The following SCAMP5 variants were observed in gnomAD, a reference collection of about 807,000 sequenced individuals.
SCAMP5 encodes the protein secretory carrier-associated membrane protein 5.
Under a neutral mutation model 28.3 loss-of-function variants are expected in SCAMP5, and 7 were observed. The ratio of observed to expected loss-of-function variants is 0.25; its 90% CI spans 0.14 to 0.46. The LOEUF (loss-of-function observed/expected upper bound fraction) is 0.46. Ranked by LOEUF, SCAMP5 falls within the 20% of genes least tolerant of loss-of-function variation. SCAMP5 has a pLI of 0.99. For missense variants in SCAMP5, 192 were observed against 312.5 expected (o/e 0.61, Z 2.91); for synonymous variants, 117 against 116.4 (o/e 1.00, Z -0.03).
chr15:74,998,541 G>A (rs568017177), intron 1 of SCAMP5, among the ~76,000 whole-genome samples: 1 of 152,038 alleles, frequency 6.6e-6, no homozygotes, highest in African/African-American at 2.4e-5. Flanking sequence ...GGGTGGAGGA[G>A]GTTGTAGTTA....
In SCAMP5 at chr15:75,018,904, G is replaced by C; in HGVS notation, c.629G>C (p.Gly210Ala). The change falls in exon 7 of 7, where the codon GGG becomes GCG. Residue 210 changes from glycine to alanine, a missense_variant. Coordinates refer to ENST00000425597, the MANE Select transcript of SCAMP5 (RefSeq NM_138967.4). The surrounding 1 kb of genome is among the most constrained non-coding windows in gnomAD (Gnocchi z 5.6). ...CAGGCAGCCCAGAACGCAGCCATGG[G>C]GGCAGCCCAGGGTGCCATGAATCAG... ...VQQAAQNAAMGAAQGAMNQPQ... is the reference protein window; with the variant it reads ...VQQAAQNAAMAAAQGAMNQPQ... The C allele has an allele frequency of 6.3e-7, 1 of 1,582,672 alleles. No individual in the cohort carries two copies. Among genetic ancestry groups the C allele is most frequent in the Non-Finnish European group, 8.5e-7 (1 of 1,171,410 alleles).
intron 1 of SCAMP5, among the ~76,000 whole-genome samples, chr15:75,005,537 A>T (rs1460301884): frequency 6.6e-6 from 1 of 151,956 alleles, no homozygotes; most frequent in South Asian, 2.1e-4. Context: ...ATTAATTTAG[A>T]TAAATTCCCC....
chr15:75,011,562 C>G, intron 1 of SCAMP5: 1 of 327,820 alleles, frequency 3.1e-6, no homozygotes, highest in South Asian at 1.2e-4. Context: ...ATGGGGTTTT[C>G]AGAGAGTAGA....
chr15:75,011,756 T>A, intron 1 of SCAMP5, 36 bp from the exon 2 acceptor site: 1 of 1,274,346 alleles, frequency 7.8e-7, no homozygotes, highest in Non-Finnish European at 1.1e-6. Context: ...GGTGTGGCCC[T>A]GATCTCATCC....
In SCAMP5 at chr15:75,002,610, G is replaced by T. The variant is rs182877650; in HGVS notation, c.-49+6937G>T. Among the ~76,000 whole-genome samples the T allele has an allele frequency of 5.4e-3, 821 of 152,016 alleles. 6 individuals carry two copies. The highest frequency in any genetic ancestry group is 0.019 in the African/African-American group (789 of 41,454). ...GGTAGTGCCATCCTTTCACATGGGA[G>T]CCCTCAGTGGCATTATCACATTTGT... On this transcript the variant is annotated intron_variant, in intron 1 of 6. Transcript: ENST00000425597.
intron 1 of SCAMP5, among the ~76,000 whole-genome samples, chr15:75,009,441 TTGTGTGTGTGTGTG>T (rs3057655): frequency 4.9e-4 from 66 of 136,060 alleles, no homozygotes; most frequent in Admixed American, 7.5e-4. Context: ...TGCTAGAAGT[TTGTGTGTGTGTGTG>T]TGTGTGTGTG....
intron 1 of SCAMP5, among the ~76,000 whole-genome samples, chr15:75,000,692 T>G (rs964385830): frequency 6.1e-5 from 9 of 147,018 alleles, no homozygotes; most frequent in Admixed American, 4.1e-4. Context: ...CCTTTTTTTT[T>G]TTTTTTTTTT....
Position 74,996,726 on chromosome 15 carries a change from C to T in SCAMP5, c.-49+1053C>T, listed in dbSNP as rs1010126973. ...GCAACCTGTCCCCTACATGTTCTGC[C>T]TCACGGAGCAGGGCTCTGAAAGAGG... On this transcript the variant is annotated intron_variant, in intron 1 of 6. Coordinates refer to ENST00000425597, the MANE Select transcript of SCAMP5 (RefSeq NM_138967.4). This position sits in a 1 kb window ranked among gnomAD's most constrained non-coding sequence, Gnocchi z 4.1. Among the ~76,000 whole-genome samples, 9 of 152,202 alleles carry T rather than the reference C, an allele frequency of 5.9e-5. 1 individual carries two copies. The highest frequency in any genetic ancestry group is 4.1e-4 in the South Asian group (2 of 4,834).
chr15:75,011,179 C>T (rs1370515004), intron 1 of SCAMP5, among the ~76,000 whole-genome samples: 1 of 151,934 alleles, frequency 6.6e-6, no homozygotes, highest in Non-Finnish European at 1.5e-5. Context: ...GCACTCCAGC[C>T]TGGGCAACAG....
rs917379464 is a variant in SCAMP5 at position 75,021,346 on chromosome 15, A to G, written c.*2363A>G. 4 of 152,250 alleles carry G rather than the reference A, an allele frequency of 2.6e-5. No individual in the cohort carries two copies. Among genetic ancestry groups the G allele is most frequent in the African/African-American group, 9.7e-5 (4 of 41,438 alleles). 9.4% of individuals were successfully genotyped at this position (152,250 alleles called of 1,614,324 possible). A position where few individuals can be genotyped will look rare whatever the true frequency, so the allele number is the denominator to read the frequency against. ...GGGCCCAGGTCAGTTCTGGGGTCCC[A>G]GTGACCTGCTTTGCCATTCTCCTGG... On this transcript the variant is annotated 3_prime_UTR_variant, in exon 7 of 7. Coordinates refer to ENST00000425597, the MANE Select transcript of SCAMP5 (RefSeq NM_138967.4).
At chr15:74,999,143 A>T (rs1338837039) in intron 1 of SCAMP5, among the ~76,000 whole-genome samples, 1 of 152,130 alleles carries the variant, frequency 6.6e-6, no homozygotes, top group Non-Finnish European at 1.5e-5. Flanking sequence ...GCCACCTCTG[A>T]AATCTTAAAC....
rs2065875755 is a variant in SCAMP5 at position 75,018,285 on chromosome 15, A to G, written c.396-133A>G. 8 of 714,380 alleles carry G rather than the reference A, an allele frequency of 1.1e-5. No homozygotes were observed. The East Asian group carries it at 2.0e-4, about 18-fold the overall frequency. The allele number at this position is 714,380 out of a possible 1,614,324, so 44.3% of individuals were successfully genotyped here. ...AGCCACTGGCACAGGTTCTTTGGGT[A>G]TCAGTAAGATGGTCCCTCTGCATCC... On this transcript the variant is annotated intron_variant, in intron 5 of 6. Coordinates refer to ENST00000425597, the MANE Select transcript of SCAMP5 (RefSeq NM_138967.4). This position sits in a 1 kb window ranked among gnomAD's most constrained non-coding sequence, Gnocchi z 5.6.
intron 3 of SCAMP5, chr15:75,013,196 G>A: frequency 5.8e-6 from 1 of 173,498 alleles, no homozygotes; most frequent in South Asian, 1.6e-4. Flanking sequence ...GATTTGGAGA[G>A]GAATCCTTCC....
chr15:75,017,328 G>A (rs570221454), intron 4 of SCAMP5, among the ~76,000 whole-genome samples: 208 of 152,202 alleles, frequency 1.4e-3, no homozygotes, highest in Non-Finnish European at 1.4e-3. Context: ...ATTCATCAAT[G>A]TACCAAGGCT....
intron 1 of SCAMP5, among the ~76,000 whole-genome samples, chr15:75,007,133 G>T (rs1338917155): frequency 6.6e-6 from 1 of 151,994 alleles, no homozygotes; most frequent in Non-Finnish European, 1.5e-5. Context: ...CCTTTTCCTG[G>T]CTTGGGACCA....
At chr15:75,012,846 G>T (rs1012152212) in intron 3 of SCAMP5, 41 bp downstream of exon 3, 5 of 1,610,456 alleles carry the variant, frequency 3.1e-6, no homozygotes, top group African/African-American at 1.3e-5. Context: ...GTGGCTGGAG[G>T]AGGCAGGAAG....
At position 75,020,791 on chromosome 15, in the gene SCAMP5, C is replaced by T. The variant is rs956022019; in HGVS notation, c.*1808C>T. ...ACTCTGGCCTGGCTTCAGCTTGGAA[C>T]CCAATACCTAGGCTTACAGGCCATC... On this transcript the variant is annotated 3_prime_UTR_variant, in exon 7 of 7. Coordinates refer to ENST00000425597, the MANE Select transcript of SCAMP5 (RefSeq NM_138967.4). The T allele has an allele frequency of 1.3e-5, 2 of 152,176 alleles. No homozygotes were observed. The highest frequency in any genetic ancestry group is 4.8e-5 in the African/African-American group (2 of 41,440). The allele number at this position is 152,176 out of a possible 1,614,324, so 9.4% of individuals were successfully genotyped here. A position where few individuals can be genotyped will look rare whatever the true frequency, so the allele number is the denominator to read the frequency against.
At chr15:75,008,916 G>A (rs12906126) in intron 1 of SCAMP5, among the ~76,000 whole-genome samples, 1 of 152,134 alleles carries the variant, frequency 6.6e-6, no homozygotes, top group African/African-American at 2.4e-5. Flanking sequence ...GTCGAATAAC[G>A]TGTGTGTTTG....
intron 1 of SCAMP5, among the ~76,000 whole-genome samples, chr15:75,002,583 C>T (rs2065720043): frequency 6.6e-6 from 1 of 151,902 alleles, no homozygotes; most frequent in South Asian, 2.1e-4. Context: ...CGCGTTAGTC[C>T]CGGTAGTGCC....
Sources: gnomAD v4.1 joint callset for allele counts (sites outside exome capture counted in the v4.1 genomes callset) on GRCh38, gnomAD v4.1.1 for gene constraint, Gnocchi (gnomAD v3.1) non-coding constraint, MANE v1.5 for transcripts, NCBI Gene and HGNC (gene_info 2026-07-23, HGNC 2026-07-21) for gene names.